Variants in CREB3L2 observed in about 807,000 individuals in gnomAD.
The protein encoded by CREB3L2 is cyclic AMP-responsive element-binding protein 3-like protein 2.
A neutral mutation model predicts 57.2 loss-of-function variants in CREB3L2; 23 were observed. That is an observed-to-expected ratio of 0.40 (90% CI 0.29 to 0.57). CREB3L2 has a LOEUF of 0.57. Ranked by LOEUF, CREB3L2 falls within the 20% of genes least tolerant of loss-of-function variation. The pLI, the probability that CREB3L2 is intolerant of heterozygous loss-of-function variation, is 0.42. For synonymous variants in CREB3L2, 268 were observed against 265.1 expected, an observed-to-expected ratio of 1.01 and a Z score of -0.11; for missense variants, 628 against 634.7, an observed-to-expected ratio of 0.99 and a Z score of 0.11.
intron 8 of CREB3L2, among the ~76,000 whole-genome samples, chr7:137,899,306 A>T (rs1799704563): frequency 1.3e-5 from 2 of 152,136 alleles, no homozygotes; most frequent in South Asian, 4.1e-4. Context: ...CATGTGGCCC[A>T]GGGAAGGCCT....
intron 1 of CREB3L2, chr7:137,956,701 G>A (rs1478085645): frequency 1.6e-5 from 19 of 1,173,590 alleles, no homozygotes; most frequent in Non-Finnish European, 1.9e-5. Flanking sequence ...ACTTTAACTT[G>A]AATTTCACAA....
intron 8 of CREB3L2, 33 bp from the exon 9 acceptor site, chr7:137,885,535 C>A: frequency 2.6e-6 from 4 of 1,534,714 alleles, no homozygotes; most frequent in Non-Finnish European, 3.6e-6. Context: ...TGAGGGGAGT[C>A]TGACAGAGAA....
In CREB3L2 at chr7:137,976,399, G is replaced by A. The variant is rs190826943; in HGVS notation, c.102+25205C>T. 1.3e-3 allele frequency among the ~76,000 whole-genome samples: 192 copies of A among 152,248 alleles called. 1 individual carries two copies. The highest frequency in any genetic ancestry group is 4.6e-4 in the Non-Finnish European group (31 of 68,032). ...TGGCCACTCGTTAATTTATCCTTTCGTCCAGTGATCCTCAAACCTGGCTGC... is the reference window on the plus strand; with the variant it reads ...TGGCCACTCGTTAATTTATCCTTTCATCCAGTGATCCTCAAACCTGGCTGC... On this transcript the variant is annotated intron_variant, in intron 1 of 11. Transcript: ENST00000330387.
intron 1 of CREB3L2, among the ~76,000 whole-genome samples, chr7:137,983,129 A>G (rs1801738119): frequency 6.6e-6 from 1 of 152,172 alleles, no homozygotes. Context: ...ATGCCAAAAT[A>G]CAGTCTACCT....
At chr7:137,926,791 AG>A (rs1800472357) in intron 2 of CREB3L2, among the ~76,000 whole-genome samples, 1 of 152,216 alleles carries the variant, frequency 6.6e-6, no homozygotes, top group Non-Finnish European at 1.5e-5. Flanking sequence ...AATAGGAAAT[AG>A]AGTTTTTAAA....
At chr7:137,897,941 C>T (rs1368309814) in intron 8 of CREB3L2, among the ~76,000 whole-genome samples, 3 of 151,872 alleles carry the variant, frequency 2.0e-5, no homozygotes, top group Non-Finnish European at 4.4e-5. Flanking sequence ...AGCTTCTGCA[C>T]AACAACAACA....
intron 1 of CREB3L2, among the ~76,000 whole-genome samples, chr7:137,962,324 G>C (rs1801336720): frequency 6.6e-6 from 1 of 152,104 alleles, no homozygotes; most frequent in Admixed American, 6.5e-5. Context: ...CTGTCATCAA[G>C]AAGGATCCTG....
chr7:137,897,057 C>A (rs768791550), intron 8 of CREB3L2, among the ~76,000 whole-genome samples: 1 of 151,838 alleles, frequency 6.6e-6, no homozygotes, highest in Non-Finnish European at 1.5e-5. Flanking sequence ...ATTAAAAATG[C>A]CATATTATAT....
rs148638461 is a variant in CREB3L2, at chr7:137,881,654, C to T, written c.1487+758G>A. Among the ~76,000 whole-genome samples the T allele has an allele frequency of 8.5e-5, 13 of 152,324 alleles. No homozygotes were observed. The East Asian group carries it at 1.2e-3, about 14-fold the overall frequency. ...AAAATCTTTCCCATTTACATCGGAA[C>T]GGCCTCATTTCTGGGAGGCATAGGA... On this transcript the variant is annotated intron_variant, in intron 11 of 11. Coordinates refer to ENST00000330387, the MANE Select transcript of CREB3L2 (RefSeq NM_194071.4).
chr7:138,000,616 C>A (rs1300367519), intron 1 of CREB3L2, among the ~76,000 whole-genome samples: 1 of 152,058 alleles, frequency 6.6e-6, no homozygotes, highest in African/African-American at 2.4e-5. Context: ...TTGGTACTGA[C>A]CCCATTAAAA....
chr7:137,902,088 G>A (rs1353686345), intron 7 of CREB3L2, among the ~76,000 whole-genome samples: 1 of 149,892 alleles, frequency 6.7e-6, no homozygotes, highest in Non-Finnish European at 1.5e-5. Context: ...GAGCTACTTG[G>A]GAGGCTGAGA....
rs151002001 is a variant in CREB3L2 at position 137,882,462 on chromosome 7, C to T, written c.1437G>A (p.Ser479=). Residue 479 remains serine (S), a synonymous_variant, in exon 11 of 12, where the codon TCG becomes TCA. Coordinates refer to ENST00000330387, the MANE Select transcript of CREB3L2 (RefSeq NM_194071.4). ...CTGACTTCTCCAGGCTGGTCTCATT[C>T]GAGATAATGAAATGGGGAAGATCCA... is the stretch of plus-strand genomic sequence containing the variant. ...PDVDLPHFII[S]NETSLEKSVL... is the part of the protein sequence containing the mutation. The T allele has an allele frequency of 1.4e-4, 218 of 1,613,994 alleles. 2 individuals carry two copies. The highest frequency in any genetic ancestry group is 1.3e-3 in the South Asian group (121 of 91,058).
chr7:137,930,187 GTGCCC>G (rs1800585222), intron 1 of CREB3L2, among the ~76,000 whole-genome samples: 1 of 152,138 alleles, frequency 6.6e-6, no homozygotes, highest in Non-Finnish European at 1.5e-5. Context: ...GTGAGCCACT[GTGCCC>G]GGCCAATAAA....
At chr7:137,933,362 TTTGA>T (rs1243277059) in intron 1 of CREB3L2, among the ~76,000 whole-genome samples, 1 of 152,232 alleles carries the variant, frequency 6.6e-6, no homozygotes, top group Non-Finnish European at 1.5e-5. Flanking sequence ...CAACGCTCTC[TTTGA>T]TTGGCCAGGC....
rs545204679 is a variant in CREB3L2, at chr7:137,879,760, G to A, written c.*716C>T. 14 of 235,340 alleles carry A rather than the reference G, an allele frequency of 5.9e-5. No homozygotes were observed. The South Asian group carries it at 2.1e-3, about 36-fold the overall frequency. The allele number at this position is 235,340 out of a possible 1,614,324, so 14.6% of individuals were successfully genotyped here. A position where few individuals can be genotyped will look rare whatever the true frequency, so the allele number is the denominator to read the frequency against. ...CTAATAAATACTATTTACAACTGGG[G>A]AGGAGAAGCTGGGGAGGCAGAACTA... On this transcript the variant is annotated 3_prime_UTR_variant, in exon 12 of 12. Coordinates refer to ENST00000330387, the MANE Select transcript of CREB3L2 (RefSeq NM_194071.4).
At chr7:137,924,548 GT>G (rs1800407984) in intron 2 of CREB3L2, among the ~76,000 whole-genome samples, 1 of 152,202 alleles carries the variant, frequency 6.6e-6, no homozygotes, top group Non-Finnish European at 1.5e-5. Context: ...ACAAGCTTTT[GT>G]TTCTCAAAGC....
chr7:137,883,473 T>C (rs1009705503), intron 10 of CREB3L2, among the ~76,000 whole-genome samples: 1 of 152,196 alleles, frequency 6.6e-6, no homozygotes, highest in Non-Finnish European at 1.5e-5. Context: ...GGAAAAACCA[T>C]ACAGGGTTTA....
chr7:137,957,789 C>G (rs1451886287), intron 1 of CREB3L2: 3 of 1,287,008 alleles, frequency 2.3e-6, no homozygotes, highest in East Asian at 1.1e-4. Context: ...GTGGTAAATG[C>G]AATGACATTT....
chr7:137,908,281 A>G lies in CREB3L2; in HGVS notation c.739T>C (p.Ser247Pro). The G allele has an allele frequency of 7.9e-7, 1 of 1,259,308 alleles. No homozygotes were observed. Among genetic ancestry groups the G allele is most frequent in the Non-Finnish European group, 1.0e-6 (1 of 993,132 alleles). 78.0% of individuals were successfully genotyped at this position (1,259,308 alleles called of 1,614,324 possible). The stretch of plus-strand genomic sequence containing the variant: ...GGAGCCGTGAGGAGAGGGGAGCTGG[A>G]GAGGGCGGAGGGGGCCCGGGGTGCA... Reference protein sequence around the residue: ...RAAPRAPSALSSSPLLTAPHK... With the variant: ...RAAPRAPSALPSSPLLTAPHK... The change falls in exon 5 of 12, where the codon TCC (serine) becomes CCC (proline). Residue 247 changes from serine to proline, a missense_variant. Coordinates refer to ENST00000330387, the MANE Select transcript of CREB3L2 (RefSeq NM_194071.4).
Sources: allele counts gnomAD v4.1 joint callset (sites outside exome capture counted in the v4.1 genomes callset), GRCh38; gene constraint gnomAD v4.1.1; transcripts MANE v1.5; gene names NCBI Gene and HGNC (gene_info 2026-07-23, HGNC 2026-07-21).